The following DDC variants were observed in gnomAD, a reference collection of about 807,000 sequenced individuals.
The protein encoded by DDC is aromatic-L-amino-acid decarboxylase.
A neutral mutation model predicts 60.0 loss-of-function variants in DDC; 43 were observed. That is an observed-to-expected ratio of 0.72 (90% confidence interval 0.56 to 0.92). The LOEUF (loss-of-function observed/expected upper bound fraction) is 0.92. Among genes scored for constraint, DDC ranks in the 40% least tolerant of loss-of-function variants. The probability of loss-of-function intolerance (pLI) is 0.00; values close to 1 mark genes in which losing one functional copy is unlikely to be tolerated. For synonymous variants in DDC, 232 were observed against 234.6 expected (o/e 0.99, Z 0.10); for missense variants, 573 against 620.2 (o/e 0.92, Z 0.81).
chr7:50,547,922 T>C (rs1212040641), intron 1 of DDC, among the ~76,000 whole-genome samples: 3 of 152,240 alleles, frequency 2.0e-5, no homozygotes, highest in Non-Finnish European at 4.4e-5. Flanking sequence ...AGCAAGTCTA[T>C]AGGCACAATG....
At chr7:50,548,933 T>A (rs1158265116) in intron 1 of DDC, among the ~76,000 whole-genome samples, 1 of 152,230 alleles carries the variant, frequency 6.6e-6, no homozygotes, top group Admixed American at 6.5e-5. Context: ...TATGCTTACT[T>A]ATTATTCTGA....
Position 50,459,866 on chromosome 7 carries a change from G to A in DDC, c.*19-1023C>T, listed in dbSNP as rs13223166. Reference sequence around the variant, plus strand: ...AGCCCCCGGCCCGGCCAGCCGCCCCGTCCGGGAGGGAGGTGGGGGGGTCAG... The same window carrying A: ...AGCCCCCGGCCCGGCCAGCCGCCCCATCCGGGAGGGAGGTGGGGGGGTCAG... On this transcript the variant is annotated intron_variant, in intron 14 of 14. Transcript: ENST00000444124. 1.9e-4 allele frequency among the ~76,000 whole-genome samples: 27 copies of A among 140,012 alleles called. 2 individuals carry two copies. The highest frequency in any genetic ancestry group is 3.9e-4 in the African/African-American group (14 of 35,996). The allele number at this position is 140,012 out of a possible 152,430, so 91.9% of individuals were successfully genotyped here.
chr7:50,530,542 A>G (rs2044171024), intron 4 of DDC, among the ~76,000 whole-genome samples: 1 of 152,214 alleles, frequency 6.6e-6, no homozygotes, highest in Admixed American at 6.5e-5. Context: ...AGTTGTAAAA[A>G]TAATCCCATT....
At position 50,504,002 on chromosome 7, in the gene DDC, C is replaced by T. The variant is rs766285406; in HGVS notation, c.772G>A (p.Gly258Ser). Residue 258 changes from glycine to serine, a missense_variant, in exon 7 of 15, where the codon GGT becomes AGT. By Grantham distance (56) the Gly-to-Ser change is moderately conservative (BLOSUM62 0). Coordinates refer to ENST00000444124, the MANE Select transcript of DDC (RefSeq NM_001082971.2). ...CCSFDNLLEV[G>S]PICNKEDIWL... The stretch of plus-strand genomic sequence containing the variant: ...GGAATCGGATACTTACAGATAGGAC[C>T]GACTTCTAAGAGATTGTCAAAGGAG... 30 of 1,613,070 alleles carry T rather than the reference C, an allele frequency of 1.9e-5. No homozygotes were observed. The highest frequency in any genetic ancestry group is 2.3e-5 in the Non-Finnish European group (27 of 1,179,024).
At chr7:50,552,056 C>T (rs2045014735) in intron 1 of DDC, among the ~76,000 whole-genome samples, 1 of 152,156 alleles carries the variant, frequency 6.6e-6, no homozygotes, top group Admixed American at 6.5e-5. Flanking sequence ...AGACACATAC[C>T]ACATACACCA....
At chr7:50,470,960 C>T (rs1391963016) in intron 11 of DDC, among the ~76,000 whole-genome samples, 5 of 152,206 alleles carry the variant, frequency 3.3e-5, no homozygotes, top group Admixed American at 6.5e-5. Flanking sequence ...GAGCCAGCTC[C>T]CTACTGGGCC....
intron 7 of DDC, among the ~76,000 whole-genome samples, chr7:50,500,692 G>A (rs1373184331): frequency 2.0e-5 from 3 of 152,302 alleles, no homozygotes; most frequent in African/African-American, 4.8e-5. Flanking sequence ...GTGACCTTTG[G>A]CCTCCCATGC....
chr7:50,515,387 C>T (rs2043699267), intron 6 of DDC, among the ~76,000 whole-genome samples: 1 of 152,176 alleles, frequency 6.6e-6, no homozygotes, highest in East Asian at 1.9e-4. Flanking sequence ...CAAGCCACCA[C>T]TACAAGAACT....
intron 6 of DDC, among the ~76,000 whole-genome samples, chr7:50,517,653 A>G (rs891810686): frequency 2.6e-5 from 4 of 152,212 alleles, no homozygotes; most frequent in Middle Eastern, 3.4e-3. Context: ...TTTGCTGCCA[A>G]TATGATTGCT....
intron 7 of DDC, among the ~76,000 whole-genome samples, chr7:50,499,915 C>T (rs554532202): frequency 6.6e-6 from 1 of 152,250 alleles, no homozygotes; most frequent in African/African-American, 2.4e-5. Context: ...GCCAAGGGGC[C>T]CTATCTACTT....
rs200859215 is a variant in DDC, at chr7:50,468,727, G to A, written c.1140+1346C>T. Among the ~76,000 whole-genome samples, 245 of 152,190 alleles carry A rather than the reference G, an allele frequency of 1.6e-3. 3 individuals carry two copies. Among genetic ancestry groups the A allele is most frequent in the East Asian group, 4.3e-3 (22 of 5,164 alleles). On this transcript the variant is annotated intron_variant, in intron 12 of 14. Coordinates refer to ENST00000444124, the MANE Select transcript of DDC (RefSeq NM_001082971.2). Reference sequence around the variant, plus strand: ...AGTGGCAACAGGACTTAAAATGGAGGGCTGTTACCATCACTAAGGCTGAAT... The same window carrying A: ...AGTGGCAACAGGACTTAAAATGGAGAGCTGTTACCATCACTAAGGCTGAAT...
chr7:50,480,102 T>G, intron 9 of DDC: 1 of 554,928 alleles, frequency 1.8e-6, no homozygotes, highest in Non-Finnish European at 3.2e-6. Flanking sequence ...CCTTGAGATC[T>G]CCTAGTGATA....
rs758052902 is a variant in DDC at position 50,529,189 on chromosome 7, A to AC, written c.570+18dup. On this transcript the variant is annotated intron_variant, in intron 5 of 14. Coordinates refer to ENST00000444124, the MANE Select transcript of DDC (RefSeq NM_001082971.2). ...TTCGGGTCTTGAAGTCTTGGCTGAT[A>AC]CCCCCACAACACACTCACCTGATCG... is the stretch of plus-strand genomic sequence containing the variant. 2.0e-5 allele frequency: 33 copies of AC among 1,612,470 alleles called. No individual in the cohort carries two copies. Among genetic ancestry groups the AC allele is most frequent in the Non-Finnish European group, 2.7e-5 (32 of 1,179,972 alleles).
rs141421210 is a variant in DDC at position 50,478,714 on chromosome 7, C to T, written c.1021+1073G>A. Among the ~76,000 whole-genome samples, 790 of 152,258 alleles carry T rather than the reference C, an allele frequency of 5.2e-3. 1 individual carries two copies. Among genetic ancestry groups the T allele is most frequent in the Non-Finnish European group, 8.2e-3 (558 of 68,018 alleles). On this transcript the variant is annotated intron_variant, in intron 10 of 14. Transcript: ENST00000444124. ...ACAATGGTTTTACTTGAACTGTGGACTACTTAATAGGTCTTATGTGCCTCA... is the reference window on the plus strand; with the variant it reads ...ACAATGGTTTTACTTGAACTGTGGATTACTTAATAGGTCTTATGTGCCTCA...
At chr7:50,501,054 G>A (rs1338273084) in intron 7 of DDC, among the ~76,000 whole-genome samples, 1 of 152,168 alleles carries the variant, frequency 6.6e-6, no homozygotes, top group East Asian at 1.9e-4. Flanking sequence ...GAGACCCTCG[G>A]CCAGAGCTTG....
In DDC at chr7:50,539,832, T is replaced by C. The variant is rs556557785; in HGVS notation, c.315+83A>G. On this transcript the variant is annotated intron_variant, in intron 3 of 14. Transcript: ENST00000444124. ...CAGACAGCACCGCCATCTGCTCAGGTCCCTTGTGCATAGGTACCGTGTCCC... is the reference window on the plus strand; with the variant it reads ...CAGACAGCACCGCCATCTGCTCAGGCCCCTTGTGCATAGGTACCGTGTCCC... 16 of 1,004,594 alleles carry C rather than the reference T, an allele frequency of 1.6e-5. No individual in the cohort carries two copies. In the South Asian group the frequency reaches 2.0e-4, roughly 13 times the overall value. The allele number at this position is 1,004,594 out of a possible 1,614,324, so 62.2% of individuals were successfully genotyped here. A position where few individuals can be genotyped will look rare whatever the true frequency, so the allele number is the denominator to read the frequency against.
intron 14 of DDC, among the ~76,000 whole-genome samples, chr7:50,460,165 G>A (rs1203732991): frequency 2.9e-5 from 4 of 138,782 alleles, no homozygotes; most frequent in African/African-American, 8.3e-5. Flanking sequence ...CTGGCCAGCC[G>A]CCCCGTCCGG....
At chr7:50,497,370 T>G (rs1364869546) in intron 8 of DDC, among the ~76,000 whole-genome samples, 2 of 152,186 alleles carry the variant, frequency 1.3e-5, no homozygotes. Context: ...AAACCTCAAG[T>G]TGTCAGTTCT....
chr7:50,477,550 T>C (rs1052063788), intron 10 of DDC: 1 of 457,318 alleles, frequency 2.2e-6, no homozygotes, highest in Non-Finnish European at 4.4e-6. Context: ...CGCCCCACCC[T>C]GCACTTCATC....
Sources: allele counts gnomAD v4.1 joint callset (sites outside exome capture counted in the v4.1 genomes callset), GRCh38; gene constraint gnomAD v4.1.1; transcripts MANE v1.5; gene names NCBI Gene and HGNC (gene_info 2026-07-23, HGNC 2026-07-21).